Variants in XRCC1 observed in about 807,000 individuals in gnomAD.
The protein encoded by XRCC1 is DNA repair protein XRCC1.
Under a neutral mutation model 83.3 loss-of-function variants are expected in XRCC1, and 52 were observed. The observed-to-expected ratio is 0.62, with a 90% CI of 0.50 to 0.79. The LOEUF (loss-of-function observed/expected upper bound fraction) is 0.79, where lower values mean the gene tolerates loss of function less well. Ranked by LOEUF, XRCC1 falls within the 30% of genes least tolerant of loss-of-function variation. The pLI, the probability that XRCC1 is intolerant of heterozygous loss-of-function variation, is 0.00. For missense variants in XRCC1, 793 were observed against 823.5 expected (o/e 0.96, Z 0.45); for synonymous variants, 281 against 312.6 (o/e 0.90, Z 1.07).
chr19:43,560,495 G>A (rs1199696077), intron 3 of XRCC1, among the ~76,000 whole-genome samples: 1 of 152,134 alleles, frequency 6.6e-6, no homozygotes, highest in Non-Finnish European at 1.5e-5. Flanking sequence ...TGACAGGAGT[G>A]CTGGCTTTGA....
At chr19:43,548,538 G>A (rs1222539403) in intron 10 of XRCC1, among the ~76,000 whole-genome samples, 1 of 152,154 alleles carries the variant, frequency 6.6e-6, no homozygotes, top group Non-Finnish European at 1.5e-5. Flanking sequence ...TAAGGGCGGT[G>A]CAAGATGTGC....
chr19:43,551,818 A>G (rs1197378939), intron 9 of XRCC1, 131 bp from the exon 10 acceptor site: 4 of 1,007,502 alleles, frequency 4.0e-6, no homozygotes, highest in East Asian at 4.8e-5. Context: ...GGTGGGAGAA[A>G]CAAAAAGAGG....
chr19:43,554,871 C>A, intron 3 of XRCC1, 67 bp from the exon 4 acceptor site: 1 of 1,546,454 alleles, frequency 6.5e-7, no homozygotes, highest in Non-Finnish European at 8.8e-7. Flanking sequence ...CTTCTAGGGG[C>A]TGGGGAAGAG....
chr19:43,551,282 T>C (rs1972571718), intron 10 of XRCC1, among the ~76,000 whole-genome samples: 1 of 152,190 alleles, frequency 6.6e-6, no homozygotes, highest in African/African-American at 2.4e-5. Context: ...TTTGAATGAA[T>C]GAATATGGAC....
intron 2 of XRCC1, chr19:43,574,590 A>G (rs913104194): frequency 3.5e-6 from 1 of 287,368 alleles, no homozygotes; most frequent in Non-Finnish European, 6.9e-6. Context: ...GACACCTTCC[A>G]GCCCTGAGCC....
intron 10 of XRCC1, among the ~76,000 whole-genome samples, chr19:43,548,049 G>GGTCCAGCCCCCGCCC (rs1555768330): frequency 8.4e-6 from 1 of 118,902 alleles, no homozygotes; most frequent in Admixed American, 7.9e-5. Flanking sequence ...GGGAGGTGGG[G>GGTCCAGCCCCCGCCC]GGCCAGCCGC....
chr19:43,566,179 C>T (rs889049091), intron 2 of XRCC1, among the ~76,000 whole-genome samples: 5 of 150,124 alleles, frequency 3.3e-5, no homozygotes, highest in Admixed American at 1.3e-4. Context: ...GAAGTTGCAG[C>T]GAACCGAAAT....
chr19:43,545,964 G>T lies in XRCC1; in HGVS notation c.1482-7C>A. ...TTCCTTCTGCTCTGCCACCCTGGGG[G>T]TGCCAAGAGGAGTAGAGAGTGAGCA... On this transcript the variant is annotated splice_polypyrimidine_tract_variant and splice_region_variant and intron_variant, in intron 13 of 16. Transcript: ENST00000262887. 1 of 1,613,780 alleles carries T rather than the reference G, an allele frequency of 6.2e-7. No individual in the cohort carries two copies. The highest frequency in any genetic ancestry group is 1.1e-5 in the South Asian group (1 of 91,064).
intron 10 of XRCC1, among the ~76,000 whole-genome samples, chr19:43,548,074 G>A (rs1972533730): frequency 1.6e-5 from 1 of 63,928 alleles, no homozygotes; most frequent in Non-Finnish European, 3.1e-5. Context: ...TCGGGGGGGA[G>A]GTGGGGGGCC....
Position 43,553,456 on chromosome 19 carries a change from G to A in XRCC1, c.546C>T (p.Ala182=), listed in dbSNP as rs1475475393. Residue 182 remains alanine (A), a synonymous_variant, in exon 6 of 17, where the codon GCC becomes GCT. Transcript: ENST00000262887. ...QFRVKEEDES[A]NSLRPGALFF... Reference sequence around the variant, plus strand: ...AGAGAGCCCCCGGCCTCAGAGAGTTGGCGCTCTCATCCTCCTCCTTCACAC... The same window carrying A: ...AGAGAGCCCCCGGCCTCAGAGAGTTAGCGCTCTCATCCTCCTCCTTCACAC... 1 of 1,614,154 alleles carries A rather than the reference G, an allele frequency of 6.2e-7. No homozygotes were observed. The highest frequency in any genetic ancestry group is 2.2e-5 in the East Asian group (1 of 44,878).
At chr19:43,544,272 C>G (rs1235005962) in intron 14 of XRCC1, 38 bp from the exon 15 acceptor site, 1 of 1,541,066 alleles carries the variant, frequency 6.5e-7, no homozygotes, top group Admixed American at 1.9e-5. Context: ...GCATGAGGCC[C>G]CAGGAGTTCC....
rs1972472132 is a variant in XRCC1 at position 43,543,341 on chromosome 19, C to A, written c.*51G>T. 9.6e-7 allele frequency: 1 copy of A among 1,043,318 alleles called. No individual in the cohort carries two copies. The highest frequency in any genetic ancestry group is 1.3e-5 in the South Asian group (1 of 74,712). The allele number at this position is 1,043,318 out of a possible 1,614,324, so 64.6% of individuals were successfully genotyped here. A position where few individuals can be genotyped will look rare whatever the true frequency, so the allele number is the denominator to read the frequency against. ...ACCAACTCATCTTTATTAAATGCAT[C>A]GTGTGTGTGTGTGTGTGTGTGTGTG... On this transcript the variant is annotated 3_prime_UTR_variant, in exon 17 of 17. Transcript: ENST00000262887.
intron 2 of XRCC1, among the ~76,000 whole-genome samples, chr19:43,561,507 C>T (rs964913573): frequency 1.3e-5 from 2 of 152,208 alleles, no homozygotes; most frequent in South Asian, 2.1e-4. Context: ...AGCTGTATGA[C>T]CATACCAGTT....
At position 43,545,990 on chromosome 19, in the gene XRCC1, T is replaced by C. The variant is rs553556572; in HGVS notation, c.1482-33A>G. 2.4e-5 allele frequency: 38 copies of C among 1,613,752 alleles called. No individual in the cohort carries two copies. The South Asian group carries it at 3.4e-4, about 14-fold the overall frequency. On this transcript the variant is annotated intron_variant, in intron 13 of 16. Coordinates refer to ENST00000262887, the MANE Select transcript of XRCC1 (RefSeq NM_006297.3). ...TGCCAAGAGGAGTAGAGAGTGAGCA[T>C]GCAGAGCAGCCTCCCCTACACCCAA...
chr19:43,571,609 T>C (rs1436246030), intron 2 of XRCC1, among the ~76,000 whole-genome samples: 3 of 152,196 alleles, frequency 2.0e-5, no homozygotes, highest in Non-Finnish European at 1.5e-5. Context: ...GCTCAAGTGA[T>C]CCTCCCGCCT....
intron 12 of XRCC1, 93 bp from the exon 13 acceptor site, chr19:43,546,199 C>T (rs1399281381): frequency 3.5e-6 from 5 of 1,432,352 alleles, no homozygotes; most frequent in South Asian, 2.3e-5. Context: ...GCATCTCATG[C>T]CCCCAGCCTC....
Position 43,544,187 on chromosome 19 carries a change from C to A in XRCC1, c.1669G>T (p.Asp557Tyr). 1 of 1,611,104 alleles carries A rather than the reference C, an allele frequency of 6.2e-7. No homozygotes were observed. Among genetic ancestry groups the A allele is most frequent in the Non-Finnish European group, 8.5e-7 (1 of 1,178,748 alleles). The change falls in exon 15 of 17, where the codon GAC becomes TAC. Residue 557 changes from aspartate to tyrosine, a missense_variant. Physicochemically the swap from Asp to Tyr is radical, Grantham distance 160. Coordinates refer to ENST00000262887, the MANE Select transcript of XRCC1 (RefSeq NM_006297.3). ...TATCGGATGAGTTTCCGCCGCTCGTCCCCAGGGAACTCCCCGTAAAGAAAG... is the reference window on the plus strand; with the variant it reads ...TATCGGATGAGTTTCCGCCGCTCGTACCCAGGGAACTCCCCGTAAAGAAAG... ...HFFLYGEFPG[D>Y]ERRKLIRYVT...
chr19:43,566,192 T>C (rs1322783567), intron 2 of XRCC1, among the ~76,000 whole-genome samples: 1 of 148,198 alleles, frequency 6.7e-6, no homozygotes, highest in Non-Finnish European at 1.5e-5. Flanking sequence ...ACCGAAATCA[T>C]GCCACTGCAC....
At chr19:43,566,073 TA>T (rs1421000546) in intron 2 of XRCC1, among the ~76,000 whole-genome samples, 2 of 151,760 alleles carry the variant, frequency 1.3e-5, no homozygotes, top group Non-Finnish European at 2.9e-5. Context: ...CTGTCTCTAC[TA>T]AAAATATAAA....
Sources: allele counts gnomAD v4.1 joint callset (sites outside exome capture counted in the v4.1 genomes callset), GRCh38; gene constraint gnomAD v4.1.1; transcripts MANE v1.5; gene names NCBI Gene and HGNC (gene_info 2026-07-23, HGNC 2026-07-21).